The following LUC7L2 variants were observed in gnomAD, a reference collection of about 807,000 sequenced individuals.
LUC7L2 encodes the protein LUC7 like 2, pre-mRNA splicing factor.
LUC7L2 carries 25 observed loss-of-function variants against 52.8 expected under a neutral mutation model. The ratio of observed to expected loss-of-function variants is 0.47; its 90% confidence interval spans 0.34 to 0.66. The LOEUF is 0.66. Ranked by LOEUF, LUC7L2 falls within the 30% of genes least tolerant of loss-of-function variation. The pLI is 0.01. For synonymous variants in LUC7L2, 144 were observed against 160.9 expected (o/e 0.89, Z 0.80); for missense variants, 328 against 497.8 (o/e 0.66, Z 3.25).
At position 139,362,340 on chromosome 7, in the gene LUC7L2, T is replaced by TTA. The variant is rs1265065292; in HGVS notation, c.61+2026_61+2027dup. Reference sequence around the variant, plus strand: ...TTTTTTTTCTTACCATTTAATGAGTTTATATATATCATTTTATGATTCAGG... The same window carrying TTA: ...TTTTTTTTCTTACCATTTAATGAGTTTATATATATATCATTTTATGATTCAGG... On this transcript the variant is annotated intron_variant, in intron 1 of 9. Coordinates refer to ENST00000354926, the MANE Select transcript of LUC7L2 (RefSeq NM_016019.5). Among the ~76,000 whole-genome samples, 3 of 152,106 alleles carry TTA rather than the reference T, an allele frequency of 2.0e-5. No homozygotes were observed. The East Asian group carries it at 5.8e-4, about 29-fold the overall frequency.
At chr7:139,375,691 C>T in intron 1 of LUC7L2, 1 of 888,568 alleles carries the variant, frequency 1.1e-6, no homozygotes, top group Non-Finnish European at 1.4e-6. Flanking sequence ...TATAAACTCT[C>T]TTAGTGGGTC....
At chr7:139,383,539 G>A (rs555417312) in intron 2 of LUC7L2, among the ~76,000 whole-genome samples, 2 of 151,670 alleles carry the variant, frequency 1.3e-5, no homozygotes, top group East Asian at 3.9e-4. Flanking sequence ...AGCCTCCCGA[G>A]TAGCTGGGAT....
intron 2 of LUC7L2, among the ~76,000 whole-genome samples, chr7:139,381,387 TTTTTA>T (rs144581381): frequency 6.1e-4 from 67 of 110,202 alleles, no homozygotes; most frequent in Non-Finnish European, 1.1e-3. Context: ...TTTATTTTAT[TTTTTA>T]TTTTATTTTA....
rs750457487 is a variant in LUC7L2, at chr7:139,422,443, G to C, written c.*103G>C. 6.7e-7 allele frequency: 1 copy of C among 1,486,414 alleles called. No individual in the cohort carries two copies. Among genetic ancestry groups the C allele is most frequent in the East Asian group, 2.3e-5 (1 of 43,228 alleles). 92.1% of individuals were successfully genotyped at this position (1,486,414 alleles called of 1,614,324 possible). ...TGACAGTGAGCAGATCCAGACACCA[G>C]ATCCAGCTAGGCTAGATGTACAGTA... On this transcript the variant is annotated 3_prime_UTR_variant, in exon 10 of 10. Transcript: ENST00000354926.
chr7:139,343,195 G>A (rs948294773), intron 1 of LUC7L2, among the ~76,000 whole-genome samples: 3 of 152,074 alleles, frequency 2.0e-5, no homozygotes, highest in Non-Finnish European at 4.4e-5. Flanking sequence ...CACAAATTTG[G>A]GCTTATATAT....
At chr7:139,408,469 T>G (rs570391785) in intron 6 of LUC7L2, among the ~76,000 whole-genome samples, 5 of 152,270 alleles carry the variant, frequency 3.3e-5, no homozygotes, top group Admixed American at 3.3e-4. Context: ...ATGGTTGATG[T>G]TTTTTTAAAA....
At chr7:139,375,533 A>G (rs1800664755) in intron 1 of LUC7L2, 1 of 985,530 alleles carries the variant, frequency 1.0e-6, no homozygotes, top group African/African-American at 1.7e-5. Flanking sequence ...TTCAGCTGGA[A>G]CAAAATAGTG....
At chr7:139,418,280 CAGGCAT>C (rs920407932) in intron 9 of LUC7L2, among the ~76,000 whole-genome samples, 29 of 152,078 alleles carry the variant, frequency 1.9e-4, no homozygotes, top group African/African-American at 7.0e-4. Flanking sequence ...TCAAAAGGTG[CAGGCAT>C]AGGGTAAGGT....
At chr7:139,418,753 C>T (rs1454078174) in intron 9 of LUC7L2, among the ~76,000 whole-genome samples, 1 of 152,112 alleles carries the variant, frequency 6.6e-6, no homozygotes, top group Non-Finnish European at 1.5e-5. Flanking sequence ...ATATGTTTTA[C>T]TGTACTAGAC....
chr7:139,375,881 A>G (rs1800680459), intron 1 of LUC7L2, 181 bp from the exon 2 acceptor site: 3 of 591,354 alleles, frequency 5.1e-6, no homozygotes, highest in African/African-American at 1.9e-5. Context: ...CAGTACACTT[A>G]CTGCAACTGC....
intron 1 of LUC7L2, among the ~76,000 whole-genome samples, chr7:139,342,408 C>G (rs1799026872): frequency 6.6e-6 from 1 of 151,980 alleles, no homozygotes; most frequent in South Asian, 2.1e-4. Flanking sequence ...AATTGAAAGC[C>G]CAAGGGGAGA....
In LUC7L2 at chr7:139,377,853, A is replaced by G. The variant is rs1247842489; in HGVS notation, c.156+1697A>G. 5.7e-5 allele frequency among the ~76,000 whole-genome samples: 8 copies of G among 139,440 alleles called. No homozygotes were observed. The East Asian group carries it at 1.7e-3, about 29-fold the overall frequency. 91.5% of individuals were successfully genotyped at this position (139,440 alleles called of 152,430 possible). ...TTTTTTTTTTTTTTTTTTTTGAGACAAGAGTCTTGCTCTGTCAGCCAGGCT... is the reference window on the plus strand; with the variant it reads ...TTTTTTTTTTTTTTTTTTTTGAGACGAGAGTCTTGCTCTGTCAGCCAGGCT... On this transcript the variant is annotated intron_variant, in intron 2 of 9. Coordinates refer to ENST00000354926, the MANE Select transcript of LUC7L2 (RefSeq NM_016019.5).
intron 7 of LUC7L2, among the ~76,000 whole-genome samples, chr7:139,410,040 T>C (rs1324553874): frequency 6.6e-6 from 1 of 152,108 alleles, no homozygotes; most frequent in Admixed American, 6.5e-5. Flanking sequence ...ACCCCGACTC[T>C]ACTAAAAATA....
At chr7:139,382,027 A>G (rs1801057104) in intron 2 of LUC7L2, among the ~76,000 whole-genome samples, 1 of 151,528 alleles carries the variant, frequency 6.6e-6, no homozygotes, top group African/African-American at 2.4e-5. Context: ...TGGGACTACA[A>G]GGTGCGCCAC....
At chr7:139,374,655 A>T in intron 1 of LUC7L2, 3 of 1,429,580 alleles carry the variant, frequency 2.1e-6, no homozygotes, top group Non-Finnish European at 2.7e-6. Flanking sequence ...CCTATTGTTG[A>T]ACTGCTCTGA....
upstream of LUC7L2, chr7:139,359,715 A>G: frequency 5.0e-6 from 2 of 398,654 alleles, no homozygotes; most frequent in East Asian, 7.1e-5. Context: ...CGGCTTGCAC[A>G]GTCAGTTAAG....
chr7:139,370,776 C>G (rs1800406895), intron 1 of LUC7L2, among the ~76,000 whole-genome samples: 1 of 152,194 alleles, frequency 6.6e-6, no homozygotes, highest in Non-Finnish European at 1.5e-5. Context: ...TACTTGTGCA[C>G]TGCTTTAGAT....
At position 139,423,403 on chromosome 7, in the gene LUC7L2, G is replaced by A. The variant is rs933152765; in HGVS notation, c.*1063G>A. ...GGCTCGACCTGCAGAAGAAACTGGGGTGTTTTTATTCTCATTCAACAAACC... is the reference window on the plus strand; with the variant it reads ...GGCTCGACCTGCAGAAGAAACTGGGATGTTTTTATTCTCATTCAACAAACC... On this transcript the variant is annotated 3_prime_UTR_variant, in exon 10 of 10. Coordinates refer to ENST00000354926, the MANE Select transcript of LUC7L2 (RefSeq NM_016019.5). The A allele has an allele frequency of 1.3e-5, 5 of 398,964 alleles. No individual in the cohort carries two copies. The East Asian group carries it at 1.4e-4, about 11-fold the overall frequency. 24.7% of individuals were successfully genotyped at this position (398,964 alleles called of 1,614,324 possible). A position where few individuals can be genotyped will look rare whatever the true frequency, so the allele number is the denominator to read the frequency against.
intron 7 of LUC7L2, 137 bp from the exon 8 acceptor site, chr7:139,412,414 A>G (rs567278148): frequency 9.3e-7 from 1 of 1,073,014 alleles, no homozygotes; most frequent in African/African-American, 1.7e-5. Context: ...CTTTTGGAAA[A>G]TTTTGTGTGC....
Sources: gnomAD v4.1 joint callset for allele counts (sites outside exome capture counted in the v4.1 genomes callset) on GRCh38, gnomAD v4.1.1 for gene constraint, MANE v1.5 for transcripts, NCBI Gene and HGNC (gene_info 2026-07-23, HGNC 2026-07-21) for gene names.